KCNT2: variants seen among roughly 807,000 people sequenced by gnomAD.
KCNT2 encodes potassium channel subfamily T member 2.
A neutral mutation model predicts 153.8 loss-of-function variants in KCNT2; 67 were observed. The ratio of observed to expected loss-of-function variants is 0.44; its 90% CI spans 0.36 to 0.53. The LOEUF (loss-of-function observed/expected upper bound fraction) is 0.53, where lower values mean the gene tolerates loss of function less well. KCNT2 is among the 20% of genes least tolerant of loss of function. KCNT2 has a pLI of 0.00. For missense variants in KCNT2, 975 were observed against 1,354.8 expected, an observed-to-expected ratio of 0.72 and a Z score of 4.40; for synonymous variants, 500 against 458.8, an observed-to-expected ratio of 1.09 and a Z score of -1.15.
chr1:196,439,811 T>A (rs2148582936), intron 8 of KCNT2, among the ~76,000 whole-genome samples: 1 of 151,982 alleles, frequency 6.6e-6, no homozygotes, highest in South Asian at 2.1e-4. Context: ...AAAACAATAG[T>A]AATATGGACT....
At chr1:196,335,432 C>T (rs1664927299) in intron 16 of KCNT2, among the ~76,000 whole-genome samples, 2 of 152,110 alleles carry the variant, frequency 1.3e-5, no homozygotes, top group African/African-American at 4.8e-5. Flanking sequence ...GTATAGCCTA[C>T]TGCTCCTAGA....
intron 14 of KCNT2, among the ~76,000 whole-genome samples, chr1:196,365,079 C>A (rs142534484): frequency 1.2e-4 from 19 of 152,116 alleles, no homozygotes; most frequent in African/African-American, 3.9e-4. Flanking sequence ...GTATTTGGAA[C>A]CTTCTCTTTC....
At chr1:196,541,061 G>A (rs923104233) in intron 1 of KCNT2, among the ~76,000 whole-genome samples, 5 of 151,232 alleles carry the variant, frequency 3.3e-5, no homozygotes, top group African/African-American at 4.9e-5. Context: ...GCGAGAGTCC[G>A]TCTCAAAATA....
chr1:196,246,793 A>T (rs977519293), intron 26 of KCNT2, among the ~76,000 whole-genome samples: 2 of 152,172 alleles, frequency 1.3e-5, no homozygotes, highest in Non-Finnish European at 2.9e-5. Context: ...ATAAATAAAA[A>T]GTAAGAAATT....
intron 16 of KCNT2, among the ~76,000 whole-genome samples, chr1:196,339,483 T>C (rs1013295647): frequency 2.7e-5 from 4 of 150,554 alleles, no homozygotes; most frequent in African/African-American, 9.8e-5. Flanking sequence ...TACAAGTGTA[T>C]GGTGCACACA....
intron 1 of KCNT2, among the ~76,000 whole-genome samples, chr1:196,551,749 C>T (rs1657935034): frequency 1.3e-5 from 2 of 151,574 alleles, no homozygotes; most frequent in Admixed American, 6.6e-5. Flanking sequence ...TACTCTGAAT[C>T]ATGACCTGAA....
chr1:196,438,810 T>C (rs1338765371), intron 8 of KCNT2, among the ~76,000 whole-genome samples: 1 of 151,908 alleles, frequency 6.6e-6, no homozygotes, highest in Non-Finnish European at 1.5e-5. Context: ...CACTAAGTTA[T>C]GTAACTAATA....
chr1:196,303,345 G>A (rs1661359008), intron 22 of KCNT2, among the ~76,000 whole-genome samples: 1 of 152,032 alleles, frequency 6.6e-6, no homozygotes, highest in African/African-American at 2.4e-5. Context: ...AAAATATTAA[G>A]TTTTATTTTT....
chr1:196,230,001 A>G lies in KCNT2; in HGVS notation c.3297-1666T>C, dbSNP rs112642970. ...AGTAGATAGTGCTAATGCAGAAGCT[A>G]CAGCAAGTTATCAAAAAAATCAAAC... On this transcript the variant is annotated intron_variant, in intron 27 of 27. Transcript: ENST00000294725. 7.0e-3 allele frequency among the ~76,000 whole-genome samples: 1,058 copies of G among 152,192 alleles called. 12 individuals carry two copies. Among genetic ancestry groups the G allele is most frequent in the African/African-American group, 0.022 (898 of 41,554 alleles).
chr1:196,435,440 T>G (rs868578177), intron 8 of KCNT2, among the ~76,000 whole-genome samples: 1 of 151,266 alleles, frequency 6.6e-6, no homozygotes, highest in Non-Finnish European at 1.5e-5. Context: ...CTTATTGAAA[T>G]TCATTCTACA....
At chr1:196,368,387 T>C (rs1292433927) in intron 14 of KCNT2, among the ~76,000 whole-genome samples, 4 of 152,152 alleles carry the variant, frequency 2.6e-5, no homozygotes, top group African/African-American at 7.2e-5. Flanking sequence ...CTTGTGTACA[T>C]AGAAAAAGCT....
intron 8 of KCNT2, among the ~76,000 whole-genome samples, chr1:196,462,626 G>A (rs925432212): frequency 6.6e-6 from 1 of 151,526 alleles, no homozygotes; most frequent in Non-Finnish European, 1.5e-5. Context: ...CTTTTGAGGT[G>A]TTAACATTAT....
chr1:196,456,080 G>T (rs1676644743), intron 8 of KCNT2, among the ~76,000 whole-genome samples: 1 of 151,900 alleles, frequency 6.6e-6, no homozygotes, highest in African/African-American at 2.4e-5. Context: ...TTCCCCAATG[G>T]CAAAAAATAT....
intron 14 of KCNT2, among the ~76,000 whole-genome samples, chr1:196,359,472 G>A (rs1667445832): frequency 6.6e-6 from 1 of 151,910 alleles, no homozygotes; most frequent in Non-Finnish European, 1.5e-5. Context: ...TGGAACCAGG[G>A]CATAGACCCA....
intron 1 of KCNT2, among the ~76,000 whole-genome samples, chr1:196,596,568 A>G (rs533665826): frequency 6.6e-6 from 1 of 152,108 alleles, no homozygotes; most frequent in Admixed American, 6.5e-5. Flanking sequence ...CCACTTTTTG[A>G]TGGGATTATT....
intron 8 of KCNT2, among the ~76,000 whole-genome samples, chr1:196,447,419 AATC>A (rs1447019977): frequency 6.6e-6 from 1 of 151,688 alleles, no homozygotes; most frequent in Non-Finnish European, 1.5e-5. Context: ...ACACGTCAGG[AATC>A]ATCATAACAT....
At chr1:196,378,492 T>A (rs1301752331) in intron 13 of KCNT2, among the ~76,000 whole-genome samples, 1 of 151,924 alleles carries the variant, frequency 6.6e-6, no homozygotes, top group Non-Finnish European at 1.5e-5. Context: ...ATTCCCTATG[T>A]CAAATACTCC....
chr1:196,598,173 A>G (rs1664308383), intron 1 of KCNT2, among the ~76,000 whole-genome samples: 1 of 152,156 alleles, frequency 6.6e-6, no homozygotes, highest in Non-Finnish European at 1.5e-5. Flanking sequence ...TAAGTTAACT[A>G]TTTGATCTTA....
chr1:196,543,234 T>C (rs1462179157), intron 1 of KCNT2, among the ~76,000 whole-genome samples: 1 of 152,144 alleles, frequency 6.6e-6, no homozygotes, highest in Non-Finnish European at 1.5e-5. Flanking sequence ...AAATTTGATA[T>C]GAAGATAATT....
Sources: gnomAD v4.1 joint callset for allele counts (sites outside exome capture counted in the v4.1 genomes callset) on GRCh38, gnomAD v4.1.1 for gene constraint, MANE v1.5 for transcripts, NCBI Gene and HGNC (gene_info 2026-07-23, HGNC 2026-07-21) for gene names.